OSBPL6: variants seen among roughly 807,000 people sequenced by gnomAD.
OSBPL6 encodes the protein oxysterol binding protein like 6, also known as oxysterol-binding protein-related protein 6.
In OSBPL6, 49 loss-of-function variants were observed where a neutral mutation model predicts 125.8. The ratio of observed to expected loss-of-function variants is 0.39; its 90% CI spans 0.31 to 0.49. The LOEUF is 0.49. Among genes scored for constraint, OSBPL6 ranks in the 20% least tolerant of loss-of-function variants. The pLI is 0.88. For synonymous variants in OSBPL6, 394 were observed against 391.8 expected, an observed-to-expected ratio of 1.01 and a Z score of -0.07; for missense variants, 986 against 1,135.4, an observed-to-expected ratio of 0.87 and a Z score of 1.89.
At chr2:178,278,451 T>A (rs549275713) in intron 1 of OSBPL6, among the ~76,000 whole-genome samples, 1 of 152,342 alleles carries the variant, frequency 6.6e-6, no homozygotes, top group Admixed American at 6.5e-5. Context: ...TGTTGTGGAT[T>A]AATCAATCAA....
At chr2:178,280,804 G>A (rs1035168943) in intron 1 of OSBPL6, among the ~76,000 whole-genome samples, 2 of 152,072 alleles carry the variant, frequency 1.3e-5, no homozygotes, top group African/African-American at 4.8e-5. Context: ...TTTTAATGGG[G>A]TTGTTTGTTT....
At chr2:178,266,682 G>A (rs1316973879) in intron 1 of OSBPL6, among the ~76,000 whole-genome samples, 1 of 152,192 alleles carries the variant, frequency 6.6e-6, no homozygotes, top group Non-Finnish European at 1.5e-5. Context: ...CTTCACTCCA[G>A]TGATAACAGG....
chr2:178,373,302 C>T (rs1443837853), intron 14 of OSBPL6, among the ~76,000 whole-genome samples: 1 of 151,250 alleles, frequency 6.6e-6, no homozygotes, highest in Non-Finnish European at 1.5e-5. Flanking sequence ...CTGAAATGTG[C>T]ACTAGAATAT....
At position 178,208,787 on chromosome 2, in the gene OSBPL6, T is replaced by TCCTC. The variant is rs1250414620; in HGVS notation, c.-351+14114_-351+14117dup. On this transcript the variant is annotated intron_variant, in intron 1 of 24. Transcript: ENST00000190611. Reference sequence around the variant, plus strand: ...TTCTGTCCTTCCATCCTTCCTTCCTTCCTCTCTTCTTTCCTTCCTCCCCTT... The same window carrying TCCTC: ...TTCTGTCCTTCCATCCTTCCTTCCTTCCTCCCTCTCTTCTTTCCTTCCTCCCCTT... Among the ~76,000 whole-genome samples, 18 of 151,864 alleles carry TCCTC rather than the reference T, an allele frequency of 1.2e-4. No homozygotes were observed. In the South Asian group the frequency reaches 2.5e-3, roughly 21 times the overall value.
chr2:178,228,517 A>AGAGC (rs2090674095), intron 1 of OSBPL6, among the ~76,000 whole-genome samples: 1 of 152,240 alleles, frequency 6.6e-6, no homozygotes, highest in South Asian at 2.1e-4. Flanking sequence ...CCAGGGTGAC[A>AGAGC]GAGCGAGACT....
intron 2 of OSBPL6, among the ~76,000 whole-genome samples, chr2:178,297,043 T>C (rs143492958): frequency 5.8e-4 from 88 of 152,304 alleles, no homozygotes; most frequent in African/African-American, 2.0e-3. Flanking sequence ...CATAATTCTG[T>C]GTGGCCAGGC....
intron 1 of OSBPL6, among the ~76,000 whole-genome samples, chr2:178,241,150 A>T (rs1350650520): frequency 6.6e-6 from 1 of 151,678 alleles, no homozygotes; most frequent in East Asian, 1.9e-4. Flanking sequence ...ATTTATAGTT[A>T]AGGCAGTTTA....
Position 178,336,440 on chromosome 2 carries a change from T to C in OSBPL6, c.790+7T>C. 1 of 1,613,152 alleles carries C rather than the reference T, an allele frequency of 6.2e-7. No homozygotes were observed. Among genetic ancestry groups the C allele is most frequent in the Non-Finnish European group, 8.5e-7 (1 of 1,179,652 alleles). On this transcript the variant is annotated splice_region_variant and intron_variant, in intron 9 of 24. Coordinates refer to ENST00000190611, the MANE Select transcript of OSBPL6 (RefSeq NM_032523.4). Reference sequence around the variant, plus strand: ...ATGGACAGGTGTGCAGAAGGTTAGTTCTTGCCCAGTGTGGCCTGAGAGTAA... The same window carrying C: ...ATGGACAGGTGTGCAGAAGGTTAGTCCTTGCCCAGTGTGGCCTGAGAGTAA...
intron 21 of OSBPL6, among the ~76,000 whole-genome samples, chr2:178,389,628 T>C (rs1695237345): frequency 6.6e-6 from 1 of 152,204 alleles, no homozygotes; most frequent in Non-Finnish European, 1.5e-5. Context: ...GCCACTGTTA[T>C]AATTCAAATA....
At chr2:178,318,355 C>CT (rs1337817472) in intron 3 of OSBPL6, among the ~76,000 whole-genome samples, 1 of 152,046 alleles carries the variant, frequency 6.6e-6, no homozygotes, top group Non-Finnish European at 1.5e-5. Context: ...GCTGTGTAGA[C>CT]TTTTTTCAGC....
chr2:178,319,806 C>G (rs1348184703), intron 3 of OSBPL6, among the ~76,000 whole-genome samples: 1 of 152,152 alleles, frequency 6.6e-6, no homozygotes, highest in Non-Finnish European at 1.5e-5. Context: ...TAGCTGAAAG[C>G]TTGAAGAACG....
intron 3 of OSBPL6, among the ~76,000 whole-genome samples, chr2:178,318,553 T>A (rs1687965467): frequency 6.6e-6 from 1 of 152,196 alleles, no homozygotes; most frequent in Non-Finnish European, 1.5e-5. Flanking sequence ...AAGAAAAAAC[T>A]GTTTTGAAGG....
At chr2:178,330,504 T>C (rs1262414105) in intron 5 of OSBPL6, among the ~76,000 whole-genome samples, 1 of 152,218 alleles carries the variant, frequency 6.6e-6, no homozygotes, top group Non-Finnish European at 1.5e-5. Context: ...CCGTAGAGAC[T>C]CTTTTTTTCC....
chr2:178,284,422 G>A lies in OSBPL6; in HGVS notation c.-350-505G>A, dbSNP rs543982730. 6.9e-4 allele frequency among the ~76,000 whole-genome samples: 105 copies of A among 152,190 alleles called. 5 individuals are homozygous for A. Among genetic ancestry groups the A allele is most frequent in the South Asian group, 3.7e-3 (18 of 4,820 alleles). On this transcript the variant is annotated intron_variant, in intron 1 of 24. Transcript: ENST00000190611. ...AAAAAAATTAGCTGGGCATGATGGC[G>A]TGTGCCTGTAATCCCAGCTACTCAG...
intron 12 of OSBPL6, among the ~76,000 whole-genome samples, chr2:178,350,334 A>G (rs1284055752): frequency 6.6e-6 from 1 of 152,162 alleles, no homozygotes; most frequent in Non-Finnish European, 1.5e-5. Flanking sequence ...TGTTCTTAAG[A>G]TAGTATCTTC....
intron 4 of OSBPL6, among the ~76,000 whole-genome samples, chr2:178,325,570 C>G (rs10203141): frequency 0.32 from 48,147 of 152,022 alleles, 8,996 homozygotes; most frequent in East Asian, 0.48. Context: ...TAGCAATTCT[C>G]TCTTATAGTT....
chr2:178,251,301 G>A (rs1022541364), intron 1 of OSBPL6, among the ~76,000 whole-genome samples: 2 of 151,876 alleles, frequency 1.3e-5, no homozygotes, highest in Admixed American at 6.6e-5. Flanking sequence ...GTTTTCATTC[G>A]GTAAGCCGTC....
intron 2 of OSBPL6, among the ~76,000 whole-genome samples, chr2:178,294,247 A>G (rs1467169208): frequency 6.6e-6 from 1 of 152,106 alleles, no homozygotes; most frequent in African/African-American, 2.4e-5. Context: ...TGTTCCATAT[A>G]ATTATGGGTT....
intron 1 of OSBPL6, among the ~76,000 whole-genome samples, chr2:178,201,118 A>G (rs2153936068): frequency 6.6e-6 from 1 of 152,268 alleles, no homozygotes; most frequent in African/African-American, 2.4e-5. Flanking sequence ...CTAAAACTGT[A>G]GACTCTACAA....
Sources: allele counts gnomAD v4.1 joint callset (sites outside exome capture counted in the v4.1 genomes callset), GRCh38; gene constraint gnomAD v4.1.1; transcripts MANE v1.5; gene names NCBI Gene and HGNC (gene_info 2026-07-23, HGNC 2026-07-21).